Variants in GSPT1 observed in about 807,000 individuals in gnomAD.
GSPT1 encodes G1 to S phase transition 1.
In GSPT1, 20 loss-of-function variants were observed where a neutral mutation model predicts 72.5. The observed-to-expected ratio is 0.28, with a 90% CI of 0.19 to 0.40. The LOEUF is 0.40. Ranked by LOEUF, GSPT1 falls within the 10% of genes least tolerant of loss-of-function variation. The pLI, the probability that GSPT1 is intolerant of heterozygous loss-of-function variation, is 1.00. For missense variants in GSPT1, 580 were observed against 811.9 expected (o/e 0.71, Z 3.47); for synonymous variants, 334 against 293.5 (o/e 1.14, Z -1.41).
intron 1 of GSPT1, among the ~76,000 whole-genome samples, chr16:11,905,326 T>C (rs867791818): frequency 7.2e-5 from 11 of 152,192 alleles, no homozygotes; most frequent in South Asian, 2.1e-4. Context: ...GACTGAGGAA[T>C]TGAATTTTAA....
In GSPT1 at chr16:11,885,245, T is replaced by G. The variant is rs1344359103; in HGVS notation, c.1283A>C (p.Asn428Thr). The G allele has an allele frequency of 6.3e-7, 1 of 1,587,972 alleles. No homozygotes were observed. The highest frequency in any genetic ancestry group is 8.6e-7 in the Non-Finnish European group (1 of 1,156,526). Residue 428 changes from asparagine to threonine, a missense_variant, in exon 10 of 15, where the codon AAT becomes ACT. By Grantham distance (65) the Asn-to-Thr change is moderately conservative. Around this residue, in one of 6 missense-constraint regions of GSPT1, gnomAD observed 45 missense variants for 43.0 expected, o/e 1.05. Transcript: ENST00000434724. ...IGLPFIPYLD[N>T]LPNFNRSVDG... ...AACTGATCTATTGAAGTTCGGCAAATTATCCAGATATGGAATAAACGGTAA... is the reference window on the plus strand; with the variant it reads ...AACTGATCTATTGAAGTTCGGCAAAGTATCCAGATATGGAATAAACGGTAA...
chr16:11,889,772 C>T (rs1462382185), intron 6 of GSPT1, among the ~76,000 whole-genome samples: 4 of 151,782 alleles, frequency 2.6e-5, no homozygotes, highest in Non-Finnish European at 4.4e-5. Flanking sequence ...TCCCAAAGCG[C>T]TGGGATTACA....
chr16:11,911,094 T>C (rs1013992797), intron 1 of GSPT1, among the ~76,000 whole-genome samples: 4 of 152,330 alleles, frequency 2.6e-5, no homozygotes, highest in African/African-American at 9.6e-5. Flanking sequence ...AAAAACACCT[T>C]TATATGAGCA....
At position 11,868,365 on chromosome 16, in the gene GSPT1, T is replaced by TG. The variant is rs1281305148; in HGVS notation, c.*4753_*4754insC. 3 of 151,400 alleles carry TG rather than the reference T, an allele frequency of 2.0e-5. No homozygotes were observed. The highest frequency in any genetic ancestry group is 7.3e-5 in the African/African-American group (3 of 41,224). 9.4% of individuals were successfully genotyped at this position (151,400 alleles called of 1,614,324 possible). A position where few individuals can be genotyped will look rare whatever the true frequency, so the allele number is the denominator to read the frequency against. ...ATCAGTTCCCTTTAATCCTGTTTTT[T>TG]TTTTTTTTTTTTAAATGAGATCTAG... On this transcript the variant is annotated 3_prime_UTR_variant, in exon 15 of 15. Coordinates refer to ENST00000434724, the MANE Select transcript of GSPT1 (RefSeq NM_002094.4).
intron 6 of GSPT1, 43 bp from the exon 7 acceptor site, chr16:11,887,793 C>A (rs1452198256): frequency 7.5e-7 from 1 of 1,329,180 alleles, no homozygotes; most frequent in Admixed American, 2.0e-5. Context: ...CTAAGAACAT[C>A]AGAGTTTTTA....
chr16:11,891,231 C>T (rs978126879), intron 5 of GSPT1, 92 bp from the exon 6 acceptor site: 87 of 586,154 alleles, frequency 1.5e-4, no homozygotes, highest in Non-Finnish European at 2.4e-4. Flanking sequence ...AAAATTTCAA[C>T]GTCAGAAAAT....
chr16:11,916,028 G>A (rs2054634056), upstream of GSPT1: 1 of 648,356 alleles, frequency 1.5e-6, no homozygotes, highest in South Asian at 1.4e-5. Context: ...TTGACCCCTC[G>A]CCGCCACCCG....
chr16:11,892,534 A>AAAAAT (rs2054279878), intron 5 of GSPT1, among the ~76,000 whole-genome samples: 1 of 149,532 alleles, frequency 6.7e-6, no homozygotes, highest in African/African-American at 2.5e-5. Flanking sequence ...AAAAAAAACA[A>AAAAAT]AAAATAAAAA....
At chr16:11,902,241 G>A (rs1368113924) in intron 1 of GSPT1, among the ~76,000 whole-genome samples, 1 of 151,152 alleles carries the variant, frequency 6.6e-6, no homozygotes, top group Non-Finnish European at 1.5e-5. Flanking sequence ...AATTAGCCGG[G>A]CTTGGTGGCG....
rs1026678264 is a variant in GSPT1 at position 11,895,055 on chromosome 16, C to T, written c.665-68G>A. The T allele has an allele frequency of 1.2e-5, 11 of 911,996 alleles. No individual in the cohort carries two copies. The East Asian group carries it at 1.3e-4, about 11-fold the overall frequency. The allele number at this position is 911,996 out of a possible 1,614,324, so 56.5% of individuals were successfully genotyped here. On this transcript the variant is annotated intron_variant, in intron 4 of 14. Transcript: ENST00000434724. ...AACCAATGGCTAAATATGCAAACAA[C>T]AGCACCCTTTAACATACATAATTAA...
At chr16:11,878,096 T>C (rs1020994444) in intron 11 of GSPT1, among the ~76,000 whole-genome samples, 2 of 152,174 alleles carry the variant, frequency 1.3e-5, no homozygotes, top group Non-Finnish European at 2.9e-5. Context: ...AATTAGATAG[T>C]GATGATGGCT....
intron 10 of GSPT1, among the ~76,000 whole-genome samples, chr16:11,883,512 C>G (rs1393127290): frequency 6.8e-6 from 1 of 147,292 alleles, no homozygotes; most frequent in Non-Finnish European, 1.5e-5. Context: ...CCCAGCTACT[C>G]CAGAGGCTGA....
rs766298552 is a variant in GSPT1 at position 11,905,996 on chromosome 16, A to C, written c.353-7961T>G. 2.5e-3 allele frequency among the ~76,000 whole-genome samples: 386 copies of C among 152,322 alleles called. 6 individuals carry two copies. Among genetic ancestry groups the C allele is most frequent in the Non-Finnish European group, 2.1e-3 (140 of 68,042 alleles). Reference sequence around the variant, plus strand: ...TTGGCATGATGTATTGTATAGAATAAATACACAATCAATTTTTACTGAATT... The same window carrying C: ...TTGGCATGATGTATTGTATAGAATACATACACAATCAATTTTTACTGAATT... On this transcript the variant is annotated intron_variant, in intron 1 of 14. Coordinates refer to ENST00000434724, the MANE Select transcript of GSPT1 (RefSeq NM_002094.4).
intron 1 of GSPT1, among the ~76,000 whole-genome samples, chr16:11,898,899 C>T (rs1160627111): frequency 6.6e-6 from 1 of 152,052 alleles, no homozygotes; most frequent in Non-Finnish European, 1.5e-5. Flanking sequence ...CCAATGATGC[C>T]AGTTTTTTCC....
In GSPT1 at chr16:11,914,334, G is replaced by A. The variant is rs1365472087; in HGVS notation, c.352+1035C>T. On this transcript the variant is annotated intron_variant, in intron 1 of 14. Transcript: ENST00000434724. ...TAAGCACCATTATGAGAATACATAA[G>A]TTCACTCACCGGATATTCCTACAAC... Among the ~76,000 whole-genome samples, 5 of 152,246 alleles carry A rather than the reference G, an allele frequency of 3.3e-5. 1 individual carries two copies. The East Asian group carries it at 9.6e-4, about 29-fold the overall frequency.
chr16:11,882,888 T>C (rs1383239607), intron 11 of GSPT1, 127 bp downstream of exon 11: 3 of 623,468 alleles, frequency 4.8e-6, no homozygotes, highest in East Asian at 5.5e-5. Flanking sequence ...GCTTGAAAGT[T>C]TGAGGCTGCA....
At chr16:11,909,142 T>C (rs2054526535) in intron 1 of GSPT1, among the ~76,000 whole-genome samples, 1 of 151,994 alleles carries the variant, frequency 6.6e-6, no homozygotes, top group Admixed American at 6.6e-5. Flanking sequence ...GGAATGTGGT[T>C]TGGAAGTGAG....
chr16:11,913,426 A>G (rs572579294), intron 1 of GSPT1, among the ~76,000 whole-genome samples: 68 of 152,354 alleles, frequency 4.5e-4, no homozygotes, highest in Middle Eastern at 3.4e-3. Flanking sequence ...ACTTCCCTAC[A>G]GGTTTTCGCA....
At position 11,877,251 on chromosome 16, in the gene GSPT1, TTATGATA is replaced by T. The variant is rs2054060284; in HGVS notation, c.1602+149_1602+155del. 6.6e-6 allele frequency among the ~76,000 whole-genome samples: 1 copy of T among 152,240 alleles called. No homozygotes were observed. The highest frequency in any genetic ancestry group is 2.4e-5 in the African/African-American group (1 of 41,472). On this transcript the variant is annotated intron_variant, in intron 12 of 14. Transcript: ENST00000434724. This position sits in a 1 kb window ranked among gnomAD's most constrained non-coding sequence, Gnocchi z 4.0. Reference sequence around the variant, plus strand: ...ACCTTGTATGAGGTGCCTATTGTGGTTATGATATATAAGTGGCTTATAATATTTCCAT... The same window carrying T: ...ACCTTGTATGAGGTGCCTATTGTGGTTATAAGTGGCTTATAATATTTCCAT...
Sources: gnomAD v4.1 joint callset for allele counts (sites outside exome capture counted in the v4.1 genomes callset) on GRCh38, gnomAD v4.1.1 for gene constraint, gnomAD v4.1.1 regional missense constraint, Gnocchi (gnomAD v3.1) non-coding constraint, MANE v1.5 for transcripts, NCBI Gene and HGNC (gene_info 2026-07-23, HGNC 2026-07-21) for gene names.